ZNF609: variants seen among roughly 807,000 people sequenced by gnomAD.
ZNF609 encodes zinc finger protein 609.
A neutral mutation model predicts 109.5 loss-of-function variants in ZNF609; 11 were observed. That is an observed-to-expected ratio of 0.10 (90% CI 0.06 to 0.17). ZNF609 has a LOEUF of 0.17. Among genes scored for constraint, ZNF609 ranks in the 10% least tolerant of loss-of-function variants. The pLI, the probability that ZNF609 is intolerant of heterozygous loss-of-function variation, is 1.00. For synonymous variants in ZNF609, 646 were observed against 662.0 expected, an observed-to-expected ratio of 0.98 and a Z score of 0.37; for missense variants, 1,559 against 1,772.4, an observed-to-expected ratio of 0.88 and a Z score of 2.16.
At position 64,504,916 on chromosome 15, in the gene ZNF609, C is replaced by T. The variant is rs76828314; in HGVS notation, c.747+4750C>T. On this transcript the variant is annotated intron_variant, in intron 2 of 9. Coordinates refer to ENST00000326648, the MANE Select transcript of ZNF609 (RefSeq NM_015042.2). ...CACTTATGCACTTCTGCCTTGGCCT[C>T]GCAAGTAGCTGGGACTACAAGTGTG... Among the ~76,000 whole-genome samples the T allele has an allele frequency of 1.1e-3, 169 of 152,236 alleles. 2 individuals are homozygous for T. Among genetic ancestry groups the T allele is most frequent in the African/African-American group, 3.3e-3 (135 of 41,532 alleles).
chr15:64,461,679 G>A (rs138652431), intron 1 of ZNF609, among the ~76,000 whole-genome samples: 1 of 152,132 alleles, frequency 6.6e-6, no homozygotes, highest in East Asian at 1.9e-4. Flanking sequence ...CCTTCAGGGG[G>A]AATATTTCTG....
intron 2 of ZNF609, among the ~76,000 whole-genome samples, chr15:64,594,930 G>A (rs1197296640): frequency 6.7e-6 from 1 of 149,638 alleles, no homozygotes; most frequent in Non-Finnish European, 1.5e-5. Context: ...GGAGGCTGAG[G>A]CAGGAGAATG....
intron 2 of ZNF609, among the ~76,000 whole-genome samples, chr15:64,548,986 G>C (rs1279060688): frequency 6.6e-6 from 1 of 152,160 alleles, no homozygotes; most frequent in Non-Finnish European, 1.5e-5. Context: ...TTCATGTCAA[G>C]AGTTCACCTG....
chr15:64,629,550 T>G (rs1311181695), intron 3 of ZNF609, among the ~76,000 whole-genome samples: 1 of 152,124 alleles, frequency 6.6e-6, no homozygotes, highest in Non-Finnish European at 1.5e-5. Context: ...TACTTTCCAG[T>G]CTTGAAAGAA....
chr15:64,617,104 G>A (rs1043043737), intron 2 of ZNF609, among the ~76,000 whole-genome samples: 4 of 151,868 alleles, frequency 2.6e-5, no homozygotes, highest in East Asian at 1.9e-4. Flanking sequence ...CACTGCGTCC[G>A]GCCTTAAACT....
intron 1 of ZNF609, among the ~76,000 whole-genome samples, chr15:64,488,968 G>A (rs1893371528): frequency 1.3e-5 from 2 of 151,604 alleles, no homozygotes; most frequent in Non-Finnish European, 2.9e-5. Context: ...TATGGTGGTG[G>A]TGCATGCCTG....
chr15:64,479,868 A>G lies in ZNF609; in HGVS notation c.-128+19030A>G, dbSNP rs553247289. Among the ~76,000 whole-genome samples the G allele has an allele frequency of 9.2e-5, 14 of 151,672 alleles. No homozygotes were observed. In the South Asian group the frequency reaches 2.9e-3, roughly 32 times the overall value. On this transcript the variant is annotated intron_variant, in intron 1 of 9. Coordinates refer to ENST00000326648, the MANE Select transcript of ZNF609 (RefSeq NM_015042.2). Reference sequence around the variant, plus strand: ...CGGGAGGCAGAGGTTGTAGTGAGCCAAGATTGCACCACTGTACTCCAGCCT... The same window carrying G: ...CGGGAGGCAGAGGTTGTAGTGAGCCGAGATTGCACCACTGTACTCCAGCCT...
chr15:64,605,198 A>T (rs569253398), intron 2 of ZNF609, among the ~76,000 whole-genome samples: 1 of 152,276 alleles, frequency 6.6e-6, no homozygotes, highest in Non-Finnish European at 1.5e-5. Flanking sequence ...GCAGCTTCAG[A>T]TTTTATTAGT....
At chr15:64,613,244 C>A (rs1895745455) in intron 2 of ZNF609, among the ~76,000 whole-genome samples, 1 of 151,966 alleles carries the variant, frequency 6.6e-6, no homozygotes, top group Admixed American at 6.6e-5. Context: ...TTGCTTGAGC[C>A]TGAGAGGTCA....
intron 1 of ZNF609, among the ~76,000 whole-genome samples, chr15:64,477,986 C>T (rs1265019971): frequency 6.6e-6 from 1 of 152,132 alleles, no homozygotes; most frequent in Non-Finnish European, 1.5e-5. Flanking sequence ...ACATCAAGCT[C>T]TCAGCCTGTT....
At chr15:64,594,745 G>C (rs1188308702) in intron 2 of ZNF609, among the ~76,000 whole-genome samples, 1 of 151,982 alleles carries the variant, frequency 6.6e-6, no homozygotes, top group Admixed American at 6.6e-5. Context: ...AATGTGTCTC[G>C]GCCGGGCGCG....
intron 3 of ZNF609, among the ~76,000 whole-genome samples, chr15:64,624,328 G>A (rs1895921069): frequency 6.6e-6 from 1 of 152,074 alleles, no homozygotes; most frequent in African/African-American, 2.4e-5. Context: ...TCACAAAGTG[G>A]CTATCTGATT....
rs541758583 is a variant in ZNF609, at chr15:64,667,294, G to A, written c.974-3052G>A. ...TCGAAGAATAAATGAATATAAGTGA[G>A]TTACTAGAGATATGTCCTAGAAGTG... is the stretch of plus-strand genomic sequence containing the variant. On this transcript the variant is annotated intron_variant, in intron 3 of 9. Transcript: ENST00000326648. Among the ~76,000 whole-genome samples the A allele has an allele frequency of 4.6e-5, 7 of 152,332 alleles. No individual in the cohort carries two copies. The East Asian group carries it at 1.2e-3, about 25-fold the overall frequency.
chr15:64,648,250 G>C (rs529141033), intron 3 of ZNF609, among the ~76,000 whole-genome samples: 6 of 152,290 alleles, frequency 3.9e-5, no homozygotes, highest in African/African-American at 1.4e-4. Flanking sequence ...ACTTTGGGAG[G>C]CCAGACAGGA....
At chr15:64,502,652 A>G (rs1160186171) in intron 2 of ZNF609, 1 of 152,248 alleles carries the variant, frequency 6.6e-6, no homozygotes. Context: ...TAAGAATTGC[A>G]TCCTCTCAAC....
At chr15:64,545,436 G>A (rs555717094) in intron 2 of ZNF609, among the ~76,000 whole-genome samples, 1 of 152,216 alleles carries the variant, frequency 6.6e-6, no homozygotes, top group African/African-American at 2.4e-5. Flanking sequence ...TGAGCTCAAG[G>A]AATTCACCTG....
chr15:64,547,112 C>T (rs549985855), intron 2 of ZNF609, among the ~76,000 whole-genome samples: 138 of 149,536 alleles, frequency 9.2e-4, no homozygotes, highest in Non-Finnish European at 1.3e-3. Context: ...TTTCTTGATG[C>T]AAATGGTAAT....
At chr15:64,653,211 C>T (rs556220003) in intron 3 of ZNF609, among the ~76,000 whole-genome samples, 80 of 152,052 alleles carry the variant, frequency 5.3e-4, no homozygotes, top group Non-Finnish European at 2.1e-4. Flanking sequence ...TTTAAAGAAC[C>T]CTTTATTTCC....
intron 3 of ZNF609, among the ~76,000 whole-genome samples, chr15:64,636,896 G>GTTTTTTTTTTTTTTTTTTTTTTTTTTTT (rs1896184914): frequency 6.6e-6 from 1 of 152,078 alleles, no homozygotes; most frequent in Non-Finnish European, 1.5e-5. Flanking sequence ...TTTTGTTTTT[G>GTTTTTTTTTTTTTTTTTTTTTTTTTTTT]TTTTATATTA....
Sources: allele counts gnomAD v4.1 joint callset (sites outside exome capture counted in the v4.1 genomes callset), GRCh38; gene constraint gnomAD v4.1.1; transcripts MANE v1.5; gene names NCBI Gene and HGNC (gene_info 2026-07-23, HGNC 2026-07-21).